PCDHA13: variants seen among roughly 807,000 people sequenced by gnomAD.
PCDHA13 encodes protocadherin alpha-13.
In PCDHA13, 54 loss-of-function variants were observed where a neutral mutation model predicts 64.8. That is an observed-to-expected ratio of 0.83 (90% confidence interval 0.67 to 1.04). The LOEUF (loss-of-function observed/expected upper bound fraction) is 1.04. Ranked by LOEUF, PCDHA13 falls within the 50% of genes least tolerant of loss-of-function variation. The pLI is 0.00. For synonymous variants in PCDHA13, 587 were observed against 564.4 expected (o/e 1.04, Z -0.57); for missense variants, 1,248 against 1,254.3 (o/e 0.99, Z 0.08).
intron 1 of PCDHA13, chr5:140,969,554 TC>T: frequency 8.2e-7 from 1 of 1,222,072 alleles, no homozygotes; most frequent in Non-Finnish European, 1.1e-6. Context: ...TGAAGCCTTG[TC>T]CATAAAATTG....
chr5:140,912,640 T>C (rs181860319), intron 1 of PCDHA13, among the ~76,000 whole-genome samples: 5 of 152,296 alleles, frequency 3.3e-5, no homozygotes, highest in Non-Finnish European at 7.4e-5. Flanking sequence ...TTCAGTACTA[T>C]GTTGAATAGA....
chr5:141,009,571 T>C, intron 3 of PCDHA13, 56 bp from the exon 4 acceptor site: 10 of 1,578,600 alleles, frequency 6.3e-6, no homozygotes, highest in Non-Finnish European at 7.7e-6. Context: ...ACCAGCAGTG[T>C]GGCATCAAGA....
Position 140,884,320 on chromosome 5 carries a change from A to T in PCDHA13, c.2052A>T (p.Ala684=). 1 of 1,613,806 alleles carries T rather than the reference A, an allele frequency of 6.2e-7. No homozygotes were observed. The highest frequency in any genetic ancestry group is 8.5e-7 in the Non-Finnish European group (1 of 1,179,862). ...QAPQASSRAS[A]GAVGPEAALV... ...CACAGGCTTCGTCGAGGGCGTCGGC[A>T]GGCGCTGTGGGTCCAGAAGCGGCGC... is the stretch of plus-strand genomic sequence containing the variant. The change falls in exon 1 of 4, where the codon GCA becomes GCT. Residue 684 remains alanine (A), a synonymous_variant. Transcript: ENST00000289272.
At chr5:140,924,839 G>A (rs1049952478) in intron 1 of PCDHA13, among the ~76,000 whole-genome samples, 3 of 150,922 alleles carry the variant, frequency 2.0e-5, no homozygotes, top group Non-Finnish European at 4.4e-5. Context: ...AGGTTGCAGG[G>A]AGCTCAGATC....
At chr5:141,007,329 TTGCCTGAGCTCAG>T (rs1554261175) in intron 3 of PCDHA13, among the ~76,000 whole-genome samples, 2 of 149,734 alleles carry the variant, frequency 1.3e-5, no homozygotes. Context: ...AGTGGACAGA[TTGCCTGAGCTCAG>T]GAGTTCGAGA....
chr5:140,926,223 TAGA>T, intron 1 of PCDHA13: 1 of 152,200 alleles, frequency 6.6e-6, no homozygotes, highest in Non-Finnish European at 1.5e-5. Flanking sequence ...TCCTTAAGCC[TAGA>T]AGGTGTGGTC....
chr5:140,892,573 A>G (rs1299586046), intron 1 of PCDHA13, among the ~76,000 whole-genome samples: 1 of 152,210 alleles, frequency 6.6e-6, no homozygotes, highest in Non-Finnish European at 1.5e-5. Context: ...TGTCAAAAGT[A>G]TATCTCAGTA....
At chr5:140,957,871 G>C (rs1312915058) in intron 1 of PCDHA13, among the ~76,000 whole-genome samples, 1 of 151,864 alleles carries the variant, frequency 6.6e-6, no homozygotes, top group African/African-American at 2.4e-5. Flanking sequence ...CCTATTTTGT[G>C]CTGAAAAGCT....
intron 1 of PCDHA13, among the ~76,000 whole-genome samples, chr5:140,955,446 A>G (rs574900327): frequency 6.6e-6 from 1 of 152,194 alleles, no homozygotes; most frequent in Non-Finnish European, 1.5e-5. Context: ...TGATGGTTTT[A>G]TAAGGGCTTT....
At chr5:140,923,217 ATCGTTTGAG>A (rs2081234922) in intron 1 of PCDHA13, among the ~76,000 whole-genome samples, 1 of 135,418 alleles carries the variant, frequency 7.4e-6, no homozygotes, top group Admixed American at 7.5e-5. Flanking sequence ...AGGTGAAAGG[ATCGTTTGAG>A]CCCAGAAGTT....
rs554327220 is a variant in PCDHA13 at position 140,980,560 on chromosome 5, G to T, written c.2453+1553G>T. Reference sequence around the variant, plus strand: ...CAGGAGAATCGCTTGAACCCGGGAGGCGGAAGTTGCAGTGAGCCAAGATCG... The same window carrying T: ...CAGGAGAATCGCTTGAACCCGGGAGTCGGAAGTTGCAGTGAGCCAAGATCG... On this transcript the variant is annotated intron_variant, in intron 2 of 3. Coordinates refer to ENST00000289272, the MANE Select transcript of PCDHA13 (RefSeq NM_018904.3). Among the ~76,000 whole-genome samples the T allele has an allele frequency of 1.6e-4, 25 of 152,244 alleles. No individual in the cohort carries two copies. The East Asian group carries it at 4.6e-3, about 28-fold the overall frequency.
At position 140,883,849 on chromosome 5, in the gene PCDHA13, G is replaced by A. The variant is rs2059850853; in HGVS notation, c.1581G>A (p.Glu527=). 2 of 1,612,940 alleles carry A rather than the reference G, an allele frequency of 1.2e-6. No homozygotes were observed. The highest frequency in any genetic ancestry group is 2.2e-5 in the East Asian group (1 of 44,862). The change falls in exon 1 of 4, where the codon GAG becomes GAA. Residue 527 remains glutamate, a synonymous_variant. Coordinates refer to ENST00000289272, the MANE Select transcript of PCDHA13 (RefSeq NM_018904.3). ...VYALQPLDHE[E]LELLQFQVSA... ...CGCTGCAGCCGTTGGACCACGAGGA[G>A]CTGGAGCTGTTGCAGTTCCAGGTGA... is the stretch of plus-strand genomic sequence containing the variant.
intron 1 of PCDHA13, among the ~76,000 whole-genome samples, chr5:140,902,368 A>G (rs1554190412): frequency 6.6e-6 from 1 of 151,696 alleles, no homozygotes; most frequent in Admixed American, 6.6e-5. Flanking sequence ...TCTCTTGTCT[A>G]ATTGCTCTAG....
chr5:140,978,849 T>C, intron 1 of PCDHA13, 100 bp from the exon 2 acceptor site: 7 of 1,577,036 alleles, frequency 4.4e-6, no homozygotes, highest in Non-Finnish European at 5.2e-6. Flanking sequence ...CTTTTTTAGA[T>C]GCCTGGAAAT....
chr5:140,937,039 C>CTTTTT, intron 1 of PCDHA13, among the ~76,000 whole-genome samples: 1 of 140,166 alleles, frequency 7.1e-6, no homozygotes, highest in Non-Finnish European at 1.5e-5. Flanking sequence ...TTCCATTTAT[C>CTTTTT]TTTTTTTTTT....
intron 1 of PCDHA13, among the ~76,000 whole-genome samples, chr5:140,943,562 T>G (rs246066): frequency 0.58 from 88,255 of 152,018 alleles, 26,572 homozygotes; most frequent in African/African-American, 0.75. Flanking sequence ...ACAATAATCA[T>G]TTTAATTTGT....
chr5:140,906,816 G>A (rs574852506), intron 1 of PCDHA13, among the ~76,000 whole-genome samples: 6 of 152,360 alleles, frequency 3.9e-5, no homozygotes, highest in African/African-American at 1.4e-4. Context: ...TACCTCCACT[G>A]TGGAGTAGTA....
chr5:141,011,325 A>G lies in PCDHA13; in HGVS notation c.*1388A>G, dbSNP rs533115888. 1 of 153,778 alleles carries G rather than the reference A, an allele frequency of 6.5e-6. No individual in the cohort carries two copies. Among genetic ancestry groups the G allele is most frequent in the African/African-American group, 2.4e-5 (1 of 41,456 alleles). 9.5% of individuals were successfully genotyped at this position (153,778 alleles called of 1,614,324 possible). On this transcript the variant is annotated 3_prime_UTR_variant, in exon 4 of 4. Transcript: ENST00000289272. ...TGAATTGCTAATCTTACTAACACCTATGATGTTACCTGAAATCAATCTCCC... is the reference window on the plus strand; with the variant it reads ...TGAATTGCTAATCTTACTAACACCTGTGATGTTACCTGAAATCAATCTCCC...
intron 1 of PCDHA13, among the ~76,000 whole-genome samples, chr5:140,912,714 C>T (rs1312540155): frequency 6.6e-6 from 1 of 152,088 alleles, no homozygotes; most frequent in African/African-American, 2.4e-5. Context: ...CAACTTTTCT[C>T]CATTCAATAT....
Sources: gnomAD v4.1 joint callset for allele counts (sites outside exome capture counted in the v4.1 genomes callset) on GRCh38, gnomAD v4.1.1 for gene constraint, MANE v1.5 for transcripts, NCBI Gene and HGNC (gene_info 2026-07-23, HGNC 2026-07-21) for gene names.